The following TMEM163 variants were observed in gnomAD, a reference collection of about 807,000 sequenced individuals.
TMEM163 encodes the protein transmembrane protein 163.
A neutral mutation model predicts 29.3 loss-of-function variants in TMEM163; 17 were observed. The observed-to-expected ratio is 0.58, with a 90% CI of 0.40 to 0.87. The LOEUF (loss-of-function observed/expected upper bound fraction) is 0.87, where lower values mean the gene tolerates loss of function less well. TMEM163 is among the 40% of genes least tolerant of loss of function. The pLI, the probability that TMEM163 is intolerant of heterozygous loss-of-function variation, is 0.00. For missense variants in TMEM163, 303 were observed against 381.5 expected (o/e 0.79, Z 1.71); for synonymous variants, 157 against 160.6 (o/e 0.98, Z 0.17).
At chr2:134,702,501 C>T (rs1365846510) in intron 2 of TMEM163, among the ~76,000 whole-genome samples, 10 of 151,914 alleles carry the variant, frequency 6.6e-5, no homozygotes, top group African/African-American at 9.7e-5. Context: ...CAAAATTAGC[C>T]GGGCATGGTG....
rs116380713 is a variant in TMEM163, at chr2:134,672,434, G to A, written c.322+40766C>T. Among the ~76,000 whole-genome samples the A allele has an allele frequency of 4.2e-3, 643 of 152,156 alleles. 11 individuals carry two copies. The highest frequency in any genetic ancestry group is 0.015 in the African/African-American group (606 of 41,506). On this transcript the variant is annotated intron_variant, in intron 2 of 7. Coordinates refer to ENST00000281924, the MANE Select transcript of TMEM163 (RefSeq NM_030923.5). The stretch of plus-strand genomic sequence containing the variant: ...CGTGCCTATGTGAGCTCATACACAG[G>A]GTCTCACTCTGTTGCCCAGTCTAAA...
intron 4 of TMEM163, among the ~76,000 whole-genome samples, chr2:134,527,014 A>G (rs1680311472): frequency 6.6e-6 from 1 of 152,238 alleles, no homozygotes; most frequent in Non-Finnish European, 1.5e-5. Context: ...CACTCAACTA[A>G]GACCCTATAA....
intron 2 of TMEM163, among the ~76,000 whole-genome samples, chr2:134,617,470 C>T (rs898136389): frequency 6.6e-6 from 1 of 151,920 alleles, no homozygotes; most frequent in African/African-American, 2.4e-5. Flanking sequence ...AGTGTGGTGG[C>T]GGGCACCTGT....
intron 2 of TMEM163, among the ~76,000 whole-genome samples, chr2:134,606,016 A>G (rs943975100): frequency 4.6e-5 from 7 of 152,186 alleles, no homozygotes; most frequent in African/African-American, 1.7e-4. Context: ...CCTTTTAAAC[A>G]ATTGAGTATA....
At position 134,502,981 on chromosome 2, in the gene TMEM163, C is replaced by T. The variant is rs1184941992; in HGVS notation, c.475G>A (p.Gly159Arg). Reference sequence around the variant, plus strand: ...ATGGATGACAGAAGGAATATCACCCCCAAGATGACACAGGCTCTGCAAAAA... The same window carrying T: ...ATGGATGACAGAAGGAATATCACCCTCAAGATGACACAGGCTCTGCAAAAA... ...HREYIACVILGVIFLLSSICI... is the reference protein window; with the variant it reads ...HREYIACVILRVIFLLSSICI... The change falls in exon 5 of 8, where the codon GGG (glycine) becomes AGG (arginine). Residue 159 changes from glycine to arginine, a missense_variant. Gly to Arg is a moderately radical substitution (Grantham distance 125). Coordinates refer to ENST00000281924, the MANE Select transcript of TMEM163 (RefSeq NM_030923.5). 1 of 1,613,688 alleles carries T rather than the reference C, an allele frequency of 6.2e-7. No individual in the cohort carries two copies.
At chr2:134,482,073 A>C (rs1679204590) in intron 5 of TMEM163, among the ~76,000 whole-genome samples, 1 of 152,184 alleles carries the variant, frequency 6.6e-6, no homozygotes, top group African/African-American at 2.4e-5. Context: ...CTTCAAAGAA[A>C]ATGTTTCTAG....
At chr2:134,597,376 T>C (rs1682110906) in intron 2 of TMEM163, among the ~76,000 whole-genome samples, 3 of 152,332 alleles carry the variant, frequency 2.0e-5, no homozygotes, top group Non-Finnish European at 2.9e-5. Flanking sequence ...GATAATCATG[T>C]GGTTTTTGTC....
At chr2:134,679,804 C>T (rs1684190697) in intron 2 of TMEM163, among the ~76,000 whole-genome samples, 1 of 152,166 alleles carries the variant, frequency 6.6e-6, no homozygotes, top group Admixed American at 6.5e-5. Flanking sequence ...TCGCCAGCTC[C>T]CACCACCACC....
chr2:134,474,544 G>C (rs1378600700), intron 5 of TMEM163, among the ~76,000 whole-genome samples: 3 of 152,148 alleles, frequency 2.0e-5, no homozygotes, highest in African/African-American at 7.2e-5. Flanking sequence ...CCAGTATACA[G>C]ATAGAAAAGA....
At chr2:134,530,172 G>A (rs1267464787) in intron 4 of TMEM163, among the ~76,000 whole-genome samples, 3 of 152,156 alleles carry the variant, frequency 2.0e-5, no homozygotes, top group Non-Finnish European at 2.9e-5. Flanking sequence ...GTTCATGCTA[G>A]AAATGCCCCA....
At chr2:134,676,122 G>C (rs577757931) in intron 2 of TMEM163, among the ~76,000 whole-genome samples, 1 of 152,108 alleles carries the variant, frequency 6.6e-6, no homozygotes, top group Non-Finnish European at 1.5e-5. Context: ...GGCTCTCTGG[G>C]AGGAAAAAAG....
In TMEM163 at chr2:134,541,771, TGCACAC is replaced by T. The variant is rs1320931769; in HGVS notation, c.458+8793_458+8798del. On this transcript the variant is annotated intron_variant, in intron 4 of 7. Coordinates refer to ENST00000281924, the MANE Select transcript of TMEM163 (RefSeq NM_030923.5). ...ATGGATATACGTGTGTGTACACACG[TGCACAC>T]ACACACACACACACACACACACACA... 7.5e-3 allele frequency among the ~76,000 whole-genome samples: 653 copies of T among 87,490 alleles called. 9 individuals are homozygous for T. The highest frequency in any genetic ancestry group is 0.04 in the African/African-American group (623 of 15,718). 57.4% of individuals were successfully genotyped at this position (87,490 alleles called of 152,430 possible).
intron 5 of TMEM163, chr2:134,466,863 A>G (rs763873023): frequency 6.6e-6 from 1 of 152,336 alleles, no homozygotes; most frequent in Non-Finnish European, 1.5e-5. Flanking sequence ...CCCATATGCA[A>G]TAAGTAAGCA....
intron 2 of TMEM163, among the ~76,000 whole-genome samples, chr2:134,659,397 G>A (rs932420977): frequency 6.6e-6 from 1 of 152,216 alleles, no homozygotes; most frequent in Non-Finnish European, 1.5e-5. Context: ...CTTTCCCCAT[G>A]CTTAGCACAG....
At chr2:134,533,779 T>C (rs1680468239) in intron 4 of TMEM163, among the ~76,000 whole-genome samples, 1 of 152,166 alleles carries the variant, frequency 6.6e-6, no homozygotes, top group Non-Finnish European at 1.5e-5. Context: ...CATCTCACCT[T>C]TGCCCTTCAC....
intron 2 of TMEM163, among the ~76,000 whole-genome samples, chr2:134,557,551 G>C (rs1260139593): frequency 6.6e-6 from 1 of 152,160 alleles, no homozygotes; most frequent in African/African-American, 2.4e-5. Flanking sequence ...CGGAAAGCAG[G>C]ACAACTCAAG....
chr2:134,552,380 T>C (rs903598091), intron 2 of TMEM163, among the ~76,000 whole-genome samples: 3 of 152,170 alleles, frequency 2.0e-5, no homozygotes, highest in Admixed American at 6.5e-5. Flanking sequence ...TTCTGATACT[T>C]TGAGAATTTA....
chr2:134,669,500 C>G (rs111259386), intron 2 of TMEM163, among the ~76,000 whole-genome samples: 1 of 152,210 alleles, frequency 6.6e-6, no homozygotes, highest in South Asian at 2.1e-4. Context: ...TAATTCCAAC[C>G]AAGTTCCCCA....
intron 2 of TMEM163, among the ~76,000 whole-genome samples, chr2:134,576,297 G>A (rs968781480): frequency 2.6e-5 from 4 of 152,248 alleles, no homozygotes; most frequent in African/African-American, 9.6e-5. Context: ...TTAGTCGTGA[G>A]ACAAGCCTGT....
Sources: gnomAD v4.1 joint callset for allele counts (sites outside exome capture counted in the v4.1 genomes callset) on GRCh38, gnomAD v4.1.1 for gene constraint, MANE v1.5 for transcripts, NCBI Gene and HGNC (gene_info 2026-07-23, HGNC 2026-07-21) for gene names.